The following NOCT variants were observed in gnomAD, a reference collection of about 807,000 sequenced individuals.
The protein encoded by NOCT is nocturnin.
A neutral mutation model predicts 35.0 loss-of-function variants in NOCT; 18 were observed. The ratio of observed to expected loss-of-function variants is 0.51; its 90% CI spans 0.36 to 0.76. The LOEUF (loss-of-function observed/expected upper bound fraction) is 0.76, where lower values mean the gene tolerates loss of function less well. Among genes scored for constraint, NOCT ranks in the 30% least tolerant of loss-of-function variants. The pLI is 0.01. For missense variants in NOCT, 479 were observed against 541.0 expected, an observed-to-expected ratio of 0.89 and a Z score of 1.14; for synonymous variants, 235 against 226.3, an observed-to-expected ratio of 1.04 and a Z score of -0.34.
chr4:139,019,429 C>A (rs573850149), intron 1 of NOCT, among the ~76,000 whole-genome samples: 30 of 152,238 alleles, frequency 2.0e-4, no homozygotes, highest in Admixed American at 3.3e-4. Flanking sequence ...TCATGATGGG[C>A]CCTGGATTCC....
chr4:139,021,782 C>G (rs868324761), intron 1 of NOCT, among the ~76,000 whole-genome samples: 1 of 137,374 alleles, frequency 7.3e-6, no homozygotes, highest in Non-Finnish European at 1.5e-5. Context: ...TTTTTTTAGA[C>G]AGTTTTGCTC....
Position 139,016,042 on chromosome 4 carries a change from C to A in NOCT, c.61C>A (p.Arg21Ser). 1 of 1,390,062 alleles carries A rather than the reference C, an allele frequency of 7.2e-7. No individual in the cohort carries two copies. Among genetic ancestry groups the A allele is most frequent in the Non-Finnish European group, 9.3e-7 (1 of 1,071,002 alleles). The allele number at this position is 1,390,062 out of a possible 1,614,324, so 86.1% of individuals were successfully genotyped here. ...ALLQRDAPGL[R>S]RLPAPGLRRP... Reference sequence around the variant, plus strand: ...GCTGCAGAGGGACGCGCCCGGCCTGCGCCGCCTGCCCGCCCCAGGGCTGCG... The same window carrying A: ...GCTGCAGAGGGACGCGCCCGGCCTGAGCCGCCTGCCCGCCCCAGGGCTGCG... The change falls in exon 1 of 3, where the codon CGC becomes AGC. Residue 21 changes from arginine to serine, a missense_variant. Arg to Ser is a moderately radical substitution (Grantham distance 110, BLOSUM62 -1). This residue lies in a region of NOCT where 265 missense variants were observed against 257.0 expected (regional missense o/e 1.03). Transcript: ENST00000280614.
chr4:139,028,323 C>T (rs1462132789), intron 1 of NOCT: 1 of 152,302 alleles, frequency 6.6e-6, no homozygotes, highest in African/African-American at 2.4e-5. Context: ...GACGCTTCAG[C>T]TTTCTTGTCT....
At chr4:139,018,636 T>C (rs754971333) in intron 1 of NOCT, among the ~76,000 whole-genome samples, 7 of 152,264 alleles carry the variant, frequency 4.6e-5, no homozygotes, top group Non-Finnish European at 8.8e-5. Flanking sequence ...TCCAGATCTT[T>C]ACAGAATGTC....
At chr4:139,020,029 AG>A (rs1256113728) in intron 1 of NOCT, among the ~76,000 whole-genome samples, 1 of 152,246 alleles carries the variant, frequency 6.6e-6, no homozygotes, top group Non-Finnish European at 1.5e-5. Flanking sequence ...ATGAGAGAGA[AG>A]AAACGGGAAA....
intron 1 of NOCT, among the ~76,000 whole-genome samples, chr4:139,027,870 C>T (rs935202592): frequency 6.6e-6 from 1 of 151,896 alleles, no homozygotes; most frequent in East Asian, 1.9e-4. Context: ...CTTAAGGTTC[C>T]CCCCCTCCCC....
chr4:139,016,970 A>ATCTTTTTT (rs1726323052), intron 1 of NOCT, among the ~76,000 whole-genome samples: 1 of 131,076 alleles, frequency 7.6e-6, no homozygotes, highest in South Asian at 2.4e-4. Context: ...GTTTCTTTGG[A>ATCTTTTTT]TTTTTTTTTT....
intron 1 of NOCT, among the ~76,000 whole-genome samples, chr4:139,021,046 G>GAA: frequency 7.2e-6 from 1 of 139,592 alleles, no homozygotes; most frequent in African/African-American, 2.8e-5. Flanking sequence ...CAGCCTGGGC[G>GAA]ACAGTAGGAG....
At chr4:139,033,318 G>A (rs1368480608) in intron 1 of NOCT, among the ~76,000 whole-genome samples, 1 of 151,662 alleles carries the variant, frequency 6.6e-6, no homozygotes, top group Admixed American at 6.6e-5. Context: ...TGAGCTGAGA[G>A]TGTGCCTTTG....
Position 139,045,551 on chromosome 4 carries a change from C to CT in NOCT, c.*78dup. On this transcript the variant is annotated 3_prime_UTR_variant, in exon 3 of 3. Coordinates refer to ENST00000280614, the MANE Select transcript of NOCT (RefSeq NM_012118.4). Reference sequence around the variant, plus strand: ...TTTTTTTTTGAGACAGAGTCTCGCTCTGTTGCCTAGGCTGGAGTACAGTGG... The same window carrying CT: ...TTTTTTTTTGAGACAGAGTCTCGCTCTTGTTGCCTAGGCTGGAGTACAGTGG... 1.3e-6 allele frequency: 1 copy of CT among 790,848 alleles called. No homozygotes were observed. Among genetic ancestry groups the CT allele is most frequent in the Non-Finnish European group, 1.9e-6 (1 of 531,322 alleles). 49.0% of individuals were successfully genotyped at this position (790,848 alleles called of 1,614,324 possible).
intron 1 of NOCT, 31 bp from the exon 2 acceptor site, chr4:139,043,043 G>A: frequency 6.4e-7 from 1 of 1,559,790 alleles, no homozygotes; most frequent in Non-Finnish European, 8.7e-7. Context: ...AAAAGGAGCT[G>A]AGTGTGTAAC....
chr4:139,030,701 A>G (rs1726607829), intron 1 of NOCT, among the ~76,000 whole-genome samples: 1 of 152,166 alleles, frequency 6.6e-6, no homozygotes, highest in Non-Finnish European at 1.5e-5. Flanking sequence ...ATCTTGTGTG[A>G]ATTCTCGTTT....
At chr4:139,039,053 C>CT (rs1190675077) in intron 1 of NOCT, among the ~76,000 whole-genome samples, 1 of 148,248 alleles carries the variant, frequency 6.7e-6, no homozygotes, top group Admixed American at 7.0e-5. Flanking sequence ...CCATTCTTAG[C>CT]TTGTTGGGTG....
At chr4:139,023,768 G>A (rs1296403431) in intron 1 of NOCT, among the ~76,000 whole-genome samples, 1 of 152,186 alleles carries the variant, frequency 6.6e-6, no homozygotes, top group Non-Finnish European at 1.5e-5. Context: ...AAAGTGCTGG[G>A]ATTACAGGCA....
chr4:139,044,537 C>T, intron 2 of NOCT, 102 bp from the exon 3 acceptor site: 4 of 687,016 alleles, frequency 5.8e-6, no homozygotes, highest in Non-Finnish European at 7.6e-6. Flanking sequence ...GCATTTAAAG[C>T]AGAGGAAGCA....
chr4:139,017,628 G>A (rs1339860245), intron 1 of NOCT, among the ~76,000 whole-genome samples: 1 of 151,350 alleles, frequency 6.6e-6, no homozygotes, highest in Non-Finnish European at 1.5e-5. Context: ...TCAGGAGTTC[G>A]TGACCATCCT....
At chr4:139,040,906 TAAA>T (rs796691356) in intron 1 of NOCT, among the ~76,000 whole-genome samples, 2 of 143,004 alleles carry the variant, frequency 1.4e-5, no homozygotes. Flanking sequence ...CTACAGGAAG[TAAA>T]AAAAAAAAGT....
intron 1 of NOCT, among the ~76,000 whole-genome samples, chr4:139,023,730 T>C (rs1475036944): frequency 6.6e-6 from 1 of 152,164 alleles, no homozygotes; most frequent in Admixed American, 6.6e-5. Flanking sequence ...ACTCCTGACC[T>C]CAGGTGATAC....
Position 139,045,303 on chromosome 4 carries a change from CCTGGATTACAT to C in NOCT, c.1130_1140del (p.Asp377ValfsTer3). ...GGACCTCAGGGGAGTGCAGGCACAC[CCTGGATTACAT>C]CTGGTATTCTAAACATGCTCTAAAT... On this transcript the variant is annotated frameshift_variant, in exon 3 of 3. Transcript: ENST00000280614. LOFTEE classifies it high-confidence loss of function. The C allele has an allele frequency of 6.2e-7, 1 of 1,614,038 alleles. No homozygotes were observed. Among genetic ancestry groups the C allele is most frequent in the Non-Finnish European group, 8.5e-7 (1 of 1,180,022 alleles).
Sources: gnomAD v4.1 joint callset for allele counts (sites outside exome capture counted in the v4.1 genomes callset) on GRCh38, gnomAD v4.1.1 for gene constraint, gnomAD v4.1.1 regional missense constraint, MANE v1.5 for transcripts, NCBI Gene and HGNC (gene_info 2026-07-23, HGNC 2026-07-21) for gene names.